The following NCOR2 variants were observed in gnomAD, a reference collection of about 807,000 sequenced individuals.
The protein encoded by NCOR2 is CTG repeat protein 26.
In NCOR2, 81 loss-of-function variants were observed where a neutral mutation model predicts 262.9. The observed-to-expected ratio is 0.31, with a 90% CI of 0.26 to 0.37. The LOEUF is 0.37. Among genes scored for constraint, NCOR2 ranks in the 10% least tolerant of loss-of-function variants. The pLI is 1.00. For missense variants in NCOR2, 3,385 were observed against 3,621.4 expected (o/e 0.93, Z 1.68); for synonymous variants, 1,659 against 1,559.3 (o/e 1.06, Z -1.51).
intron 44 of NCOR2, among the ~76,000 whole-genome samples, chr12:124,329,636 G>C (rs1030270920): frequency 6.6e-6 from 1 of 151,698 alleles, no homozygotes; most frequent in African/African-American, 2.4e-5. Flanking sequence ...CAGCTGCTCA[G>C]GAGGCTGAGA....
chr12:124,422,571 G>A lies in NCOR2; in HGVS notation c.1329-16C>T, dbSNP rs2043271729. 1.2e-6 allele frequency: 2 copies of A among 1,613,596 alleles called. No individual in the cohort carries two copies. Among genetic ancestry groups the A allele is most frequent in the South Asian group, 1.1e-5 (1 of 91,086 alleles). On this transcript the variant is annotated splice_polypyrimidine_tract_variant and intron_variant, in intron 11 of 46. Coordinates refer to ENST00000405201, the Ensembl canonical transcript of NCOR2. ...CTGCATGAACCTGCGGGACGAGAAG[G>A]GTGGGCGTGAGACCTGGCCGAGGGG...
At position 124,534,379 on chromosome 12, in the gene NCOR2, C is replaced by G. The variant is rs1220934117; in HGVS notation, c.-118+1186G>C. 5.3e-5 allele frequency among the ~76,000 whole-genome samples: 8 copies of G among 152,060 alleles called. No individual in the cohort carries two copies. The East Asian group carries it at 1.5e-3, about 29-fold the overall frequency. ...GGCTGAGGCAGGAGAATAGCTTGAA[C>G]CTGGAGGCAGAGGTTGTAGTGAGCC... On this transcript the variant is annotated intron_variant, in intron 1 of 46. Coordinates refer to the NCOR2 transcript ENST00000404621.
chr12:124,371,961 T>G, intron 20 of NCOR2, 61 bp downstream of exon 22: 3 of 1,473,430 alleles, frequency 2.0e-6, no homozygotes, highest in Non-Finnish European at 2.7e-6. Context: ...TCTAAGTAGG[T>G]AGTCGCTGCT....
intron 1 of NCOR2, among the ~76,000 whole-genome samples, chr12:124,493,859 C>CT (rs1193657879): frequency 6.6e-6 from 1 of 152,208 alleles, no homozygotes. Context: ...CTGTGGCAGC[C>CT]TCCCCACTTA....
rs558673241 is a variant in NCOR2, at chr12:124,554,637, C to G, written c.-165+12671G>C. Among the ~76,000 whole-genome samples the G allele has an allele frequency of 6.6e-5, 10 of 152,320 alleles. No individual in the cohort carries two copies. The South Asian group carries it at 2.1e-3, about 32-fold the overall frequency. ...TGTGACACAGAGAGGGCAGCGAGAG[C>G]CTGAAGGTCACACAGCAAACCAGAG... On this transcript the variant is annotated intron_variant, in intron 1 of 32. Coordinates refer to the NCOR2 transcript ENST00000458234.
chr12:124,416,753 C>A (rs548595425), intron 13 of NCOR2, among the ~76,000 whole-genome samples: 1 of 147,178 alleles, frequency 6.8e-6, no homozygotes, highest in African/African-American at 2.5e-5. Context: ...ATAGACCCCG[C>A]GGCACAGGGA....
At chr12:124,544,070 C>T (rs147553407) in intron 1 of NCOR2, among the ~76,000 whole-genome samples, 2 of 152,202 alleles carry the variant, frequency 1.3e-5, no homozygotes, top group Non-Finnish European at 2.9e-5. Context: ...GCACCAGCGA[C>T]GCCGCCTCTG....
At chr12:124,496,905 G>C (rs2048409598), upstream of NCOR2, among the ~76,000 whole-genome samples, 2 of 152,210 alleles carry the variant, frequency 1.3e-5, no homozygotes, top group African/African-American at 4.8e-5. The surrounding 1 kb of genome is among the most constrained non-coding windows in gnomAD (Gnocchi z 4.4). Flanking sequence ...CTCTCTGCTG[G>C]GGATCTAAGC....
At chr12:124,358,470 G>C (rs955659617) in intron 22 of NCOR2, among the ~76,000 whole-genome samples, 41 of 152,306 alleles carry the variant, frequency 2.7e-4, no homozygotes, top group African/African-American at 9.4e-4. Context: ...TATAAGCCCA[G>C]ACCCTCCAAG....
At position 124,480,022 on chromosome 12, in the gene NCOR2, C is replaced by A. The variant is rs1175770843; in HGVS notation, c.411+3574G>T. Among the ~76,000 whole-genome samples the A allele has an allele frequency of 2.0e-5, 3 of 152,250 alleles. No individual in the cohort carries two copies. The East Asian group carries it at 5.8e-4, about 29-fold the overall frequency. Reference sequence around the variant, plus strand: ...GCTCACTTAATGGCACCCGCCATCACTGCAGCATTCTTACCACTGCGTGAA... The same window carrying A: ...GCTCACTTAATGGCACCCGCCATCAATGCAGCATTCTTACCACTGCGTGAA... On this transcript the variant is annotated intron_variant, in intron 3 of 46. Coordinates refer to ENST00000405201, the Ensembl canonical transcript of NCOR2.
chr12:124,411,254 G>A (rs1051846859), intron 13 of NCOR2, among the ~76,000 whole-genome samples: 1 of 151,880 alleles, frequency 6.6e-6, no homozygotes, highest in Non-Finnish European at 1.5e-5. Context: ...GTAGCCACCC[G>A]TGTGCGCGCA....
Position 124,430,605 on chromosome 12 carries a change from C to A in NCOR2, c.1055+10G>T, listed in dbSNP as rs780218284. 6.2e-7 allele frequency: 1 copy of A among 1,603,412 alleles called. No homozygotes were observed. Among genetic ancestry groups the A allele is most frequent in the Non-Finnish European group, 8.5e-7 (1 of 1,173,976 alleles). On this transcript the variant is annotated intron_variant, in intron 9 of 46. Coordinates refer to ENST00000405201, the Ensembl canonical transcript of NCOR2. ...TGACGTCGGGGGCCCTGGGCTCAGGCCCCGCTCACCTCTGCATGCGCTCCT... is the reference window on the plus strand; with the variant it reads ...TGACGTCGGGGGCCCTGGGCTCAGGACCCGCTCACCTCTGCATGCGCTCCT...
chr12:124,366,844 T>C (rs2039075597), intron 20 of NCOR2, among the ~76,000 whole-genome samples: 2 of 152,120 alleles, frequency 1.3e-5, no homozygotes, highest in Admixed American at 6.6e-5. Context: ...AATGGTGAAA[T>C]GTATGGTATA....
intron 24 of NCOR2, 83 bp downstream of exon 26, chr12:124,355,349 C>T: frequency 1.3e-6 from 2 of 1,517,342 alleles, no homozygotes; most frequent in East Asian, 2.4e-5. Context: ...AGCCTGGCCC[C>T]CACTCAGACT....
At chr12:124,354,233 G>C in intron 26 of NCOR2, 37 bp from the exon 29 acceptor site, 3 of 1,540,614 alleles carry the variant, frequency 1.9e-6, no homozygotes, top group Non-Finnish European at 2.6e-6. Context: ...GGGCGTGTCT[G>C]TGGCCCTTCC....
chr12:124,397,462 G>A lies in NCOR2; in HGVS notation c.1876+657C>T, dbSNP rs1032522944. ...GGAGGCACTGGACCCCAGCCCCCAC[G>A]GTGCTGCACATCACAAGGCCATCTG... On this transcript the variant is annotated intron_variant, in intron 16 of 46. Transcript: ENST00000405201. 1.2e-4 allele frequency among the ~76,000 whole-genome samples: 19 copies of A among 152,116 alleles called. 1 individual carries two copies. Among genetic ancestry groups the A allele is most frequent in the South Asian group, 4.1e-4 (2 of 4,826 alleles).
rs552082231 is a variant in NCOR2, at chr12:124,432,620, C to T, written c.883-1833G>A. ...CGTCAGCCCTGGGGAGGGGCAGCCG[C>T]CAGAGAAAACCACATTCCAAGCAGT... On this transcript the variant is annotated intron_variant, in intron 8 of 46. Coordinates refer to ENST00000405201, the Ensembl canonical transcript of NCOR2. This position sits in a 1 kb window ranked among gnomAD's most constrained non-coding sequence, Gnocchi z 5.1. Among the ~76,000 whole-genome samples, 142 of 152,230 alleles carry T rather than the reference C, an allele frequency of 9.3e-4. No individual in the cohort carries two copies. Among genetic ancestry groups the T allele is most frequent in the Non-Finnish European group, 7.1e-4 (48 of 68,012 alleles).
chr12:124,362,128 T>G, exon 22 of NCOR2: 1 of 1,299,862 alleles, frequency 7.7e-7, no homozygotes, highest in South Asian at 3.2e-5. Context: ...GCACTCACCC[T>G]CCTTGTCGGC....
chr12:124,416,747 A>ACCCCGCGGCACAGGGAGT lies in NCOR2; in HGVS notation c.1482+3192_1482+3209dup, dbSNP rs1565923273. ...CAGGGAGTCCCCGCGGCACAGATAG[A>ACCCCGCGGCACAGGGAGT]CCCCGCGGCACAGGGAGTCCCCGCA... is the stretch of plus-strand genomic sequence containing the variant. On this transcript the variant is annotated intron_variant, in intron 13 of 46. Coordinates refer to ENST00000405201, the Ensembl canonical transcript of NCOR2. Among the ~76,000 whole-genome samples, 88 of 137,254 alleles carry ACCCCGCGGCACAGGGAGT rather than the reference A, an allele frequency of 6.4e-4. 6 individuals are homozygous for ACCCCGCGGCACAGGGAGT. In the East Asian group the frequency reaches 0.013, roughly 20 times the overall value. The allele number at this position is 137,254 out of a possible 152,430, so 90.0% of individuals were successfully genotyped here.
Sources: allele counts gnomAD v4.1 joint callset (sites outside exome capture counted in the v4.1 genomes callset), GRCh38; gene constraint gnomAD v4.1.1; non-coding constraint Gnocchi (gnomAD v3.1); transcripts MANE v1.5; gene names NCBI Gene and HGNC (gene_info 2026-07-23, HGNC 2026-07-21).